Variants in NEK7 observed in about 807,000 individuals in gnomAD.
The protein encoded by NEK7 is NIMA related kinase 7.
In NEK7, 18 loss-of-function variants were observed where a neutral mutation model predicts 44.6. The observed-to-expected ratio is 0.40, with a 90% CI of 0.28 to 0.60. NEK7 has a LOEUF of 0.60. NEK7 is among the 20% of genes least tolerant of loss of function. The pLI is 0.38. For missense variants in NEK7, 256 were observed against 366.5 expected, an observed-to-expected ratio of 0.70 and a Z score of 2.46; for synonymous variants, 130 against 121.1, an observed-to-expected ratio of 1.07 and a Z score of -0.48.
At chr1:198,183,764 C>A (rs1250628113) in intron 1 of NEK7, among the ~76,000 whole-genome samples, 4 of 152,062 alleles carry the variant, frequency 2.6e-5, no homozygotes, top group Non-Finnish European at 4.4e-5. Context: ...TATTTGCATG[C>A]CTGCTATGTG....
chr1:198,177,925 G>T (rs1192917592), intron 1 of NEK7, among the ~76,000 whole-genome samples: 2 of 151,770 alleles, frequency 1.3e-5, no homozygotes, highest in East Asian at 3.9e-4. Context: ...CGTCCATGTG[G>T]CAAGAGATGA....
rs10801662 is a variant in NEK7 at position 198,315,425 on chromosome 1, T to C, written c.799-3987T>C. ...GTCGCTTACGCTGGGAGCTGTAGAC[T>C]GGAGCTGTTCCTATTCGGCCATCTT... is the stretch of plus-strand genomic sequence containing the variant. On this transcript the variant is annotated intron_variant, in intron 9 of 9. Coordinates refer to ENST00000367385, the MANE Select transcript of NEK7 (RefSeq NM_133494.3). Among the ~76,000 whole-genome samples the C allele has an allele frequency of 7.2e-3, 1,096 of 152,342 alleles. 70 individuals are homozygous for C. In the East Asian group the frequency reaches 0.16, roughly 23 times the overall value.
chr1:198,183,804 G>A (rs1007690790), intron 1 of NEK7, among the ~76,000 whole-genome samples: 2 of 152,190 alleles, frequency 1.3e-5, no homozygotes, highest in South Asian at 4.1e-4. Flanking sequence ...TGGAAACACA[G>A]TGGTGATAAA....
At chr1:198,260,415 C>A (rs1653419729) in intron 3 of NEK7, among the ~76,000 whole-genome samples, 5 of 143,020 alleles carry the variant, frequency 3.5e-5, no homozygotes, top group African/African-American at 1.3e-4. Context: ...TAGTCCTTTC[C>A]TTTTTTTTTT....
intron 1 of NEK7, among the ~76,000 whole-genome samples, chr1:198,210,763 TTTTTTTTG>T (rs1665742470): frequency 7.6e-6 from 1 of 130,772 alleles, no homozygotes; most frequent in Non-Finnish European, 1.6e-5. Flanking sequence ...TTTTTTTTTT[TTTTTTTTG>T]AGACGGAGTC....
At chr1:198,314,996 G>T (rs2103043007) in intron 9 of NEK7, among the ~76,000 whole-genome samples, 1 of 152,328 alleles carries the variant, frequency 6.6e-6, no homozygotes, top group East Asian at 1.9e-4. Context: ...GTTTACCTAA[G>T]CACGCCTGGG....
intron 2 of NEK7, among the ~76,000 whole-genome samples, chr1:198,245,014 CAATTAACACATGCTTTGTATGTT>C (rs1479533723): frequency 6.6e-6 from 1 of 152,052 alleles, no homozygotes; most frequent in East Asian, 1.9e-4. Flanking sequence ...AACAGAAAGT[CAATTAACACATGCTTTGTATGTT>C]TTGTGTATTA....
In NEK7 at chr1:198,278,934, A is replaced by G. The variant is rs1427426037; in HGVS notation, c.482-20A>G. 8 of 1,311,570 alleles carry G rather than the reference A, an allele frequency of 6.1e-6. No individual in the cohort carries two copies. Among genetic ancestry groups the G allele is most frequent in the Non-Finnish European group, 8.8e-6 (8 of 911,954 alleles). 81.2% of individuals were successfully genotyped at this position (1,311,570 alleles called of 1,614,324 possible). A position where few individuals can be genotyped will look rare whatever the true frequency, so the allele number is the denominator to read the frequency against. On this transcript the variant is annotated intron_variant, in intron 6 of 9. Transcript: ENST00000367385. ...TAAAATGTCTATCATCTTTTACCTG[A>G]TCCCTTCATTTATTCACAGATATAA... is the stretch of plus-strand genomic sequence containing the variant.
Position 198,232,637 on chromosome 1 carries a change from G to A in NEK7, c.57G>A (p.Gln19=). The change falls in exon 2 of 10, where the codon CAG becomes CAA. Residue 19 remains glutamine, a splice_region_variant and synonymous_variant. Coordinates refer to ENST00000367385, the MANE Select transcript of NEK7 (RefSeq NM_133494.3). ...CACCTGTTCCTCAGTTCCAACCACA[G>A]GTAATTTATCCTAATTAAGATGGGC... The part of the protein sequence containing the change: ...QGPPVPQFQP[Q]KALRPDMGYN... 6.4e-7 allele frequency: 1 copy of A among 1,572,816 alleles called. No homozygotes were observed. The highest frequency in any genetic ancestry group is 8.7e-7 in the Non-Finnish European group (1 of 1,143,038).
chr1:198,225,078 C>T (rs1025816002), intron 1 of NEK7, among the ~76,000 whole-genome samples: 5 of 151,972 alleles, frequency 3.3e-5, no homozygotes, highest in Non-Finnish European at 7.4e-5. Flanking sequence ...CATGGTGGCT[C>T]ACGCCTGAAA....
At chr1:198,251,809 A>G (rs1485803960) in intron 2 of NEK7, among the ~76,000 whole-genome samples, 2 of 151,686 alleles carry the variant, frequency 1.3e-5, no homozygotes, top group Non-Finnish European at 2.9e-5. Context: ...AATTTTGTTG[A>G]TCCTTTCAAA....
At chr1:198,262,812 T>C (rs1453362246) in intron 4 of NEK7, among the ~76,000 whole-genome samples, 175 bp downstream of exon 4, 1 of 151,952 alleles carries the variant, frequency 6.6e-6, no homozygotes, top group Non-Finnish European at 1.5e-5. Flanking sequence ...TTTGGATTTA[T>C]TGTTAAATAA....
chr1:198,286,017 A>C (rs551787423), intron 7 of NEK7, among the ~76,000 whole-genome samples: 84 of 152,264 alleles, frequency 5.5e-4, no homozygotes, highest in African/African-American at 1.9e-3. Context: ...GGTTCACTGG[A>C]GTATTGATCC....
chr1:198,266,957 A>G (rs980098184), intron 5 of NEK7, among the ~76,000 whole-genome samples: 1 of 152,078 alleles, frequency 6.6e-6, no homozygotes. Context: ...TTTAGAAGTC[A>G]CTAGACAGGA....
intron 7 of NEK7, among the ~76,000 whole-genome samples, chr1:198,291,709 C>T (rs1654561816): frequency 6.6e-6 from 1 of 151,868 alleles, no homozygotes; most frequent in Non-Finnish European, 1.5e-5. Flanking sequence ...CTAGGGCTAT[C>T]CATGATTAGT....
chr1:198,252,229 G>T (rs922169122), intron 2 of NEK7, among the ~76,000 whole-genome samples: 1 of 151,790 alleles, frequency 6.6e-6, no homozygotes, highest in Non-Finnish European at 1.5e-5. Flanking sequence ...ATTGCCCTGT[G>T]GTCTGAGAGA....
At position 198,320,306 on chromosome 1, in the gene NEK7, ATTG is replaced by A. The variant is rs1038877420; in HGVS notation, c.*790_*792del. 5 of 151,938 alleles carry A rather than the reference ATTG, an allele frequency of 3.3e-5. No homozygotes were observed. The highest frequency in any genetic ancestry group is 1.2e-4 in the African/African-American group (5 of 41,380). The allele number at this position is 151,938 out of a possible 1,614,324, so 9.4% of individuals were successfully genotyped here. A position where few individuals can be genotyped will look rare whatever the true frequency, so the allele number is the denominator to read the frequency against. On this transcript the variant is annotated 3_prime_UTR_variant, in exon 10 of 10. Transcript: ENST00000367385. ...CCCAAGGCTTTTTTTGTGTGTTTTTATTGTTGTTTGTACATTTGAAAAATATTC... is the reference window on the plus strand; with the variant it reads ...CCCAAGGCTTTTTTTGTGTGTTTTTATTGTTTGTACATTTGAAAAATATTC...
chr1:198,238,431 T>C (rs1666595342), intron 2 of NEK7, among the ~76,000 whole-genome samples: 1 of 152,072 alleles, frequency 6.6e-6, no homozygotes. Context: ...ATTGCAGTCA[T>C]CTTCTGACCT....
rs1654607223 is a variant in NEK7 at position 198,293,045 on chromosome 1, T to A, written c.684+6T>A. ...TTGGCTGTCTACTATATGAGGTAGG[T>A]AATGTTGATAAATTCCAAATATTGA... On this transcript the variant is annotated splice_donor_region_variant and intron_variant, in intron 8 of 9. Transcript: ENST00000367385. 2.1e-6 allele frequency: 3 copies of A among 1,405,482 alleles called. No homozygotes were observed. The highest frequency in any genetic ancestry group is 3.0e-6 in the Non-Finnish European group (3 of 991,602). 87.1% of individuals were successfully genotyped at this position (1,405,482 alleles called of 1,614,324 possible). A position where few individuals can be genotyped will look rare whatever the true frequency, so the allele number is the denominator to read the frequency against.
Sources: allele counts gnomAD v4.1 joint callset (sites outside exome capture counted in the v4.1 genomes callset), GRCh38; gene constraint gnomAD v4.1.1; transcripts MANE v1.5; gene names NCBI Gene and HGNC (gene_info 2026-07-23, HGNC 2026-07-21).